The following ANKRD11 variants were observed in gnomAD, a reference collection of about 807,000 sequenced individuals.
ANKRD11 encodes ankyrin repeat domain-containing protein 11.
ANKRD11 carries 17 observed loss-of-function variants against 195.7 expected under a neutral mutation model. The ratio of observed to expected loss-of-function variants is 0.09; its 90% CI spans 0.06 to 0.13. The LOEUF (loss-of-function observed/expected upper bound fraction) is 0.13. ANKRD11 is among the 10% of genes least tolerant of loss of function. ANKRD11 has a pLI of 1.00. For missense variants in ANKRD11, 3,735 were observed against 3,566.1 expected (o/e 1.05, Z -1.21); for synonymous variants, 1,953 against 1,528.1 (o/e 1.28, Z -6.49).
intron 4 of ANKRD11, among the ~76,000 whole-genome samples, chr16:89,292,571 AG>A (rs139943895): frequency 0.034 from 5,190 of 152,324 alleles, 158 homozygotes; most frequent in East Asian, 0.062. Context: ...ACAAGCCTGC[AG>A]GAAGGCACAC....
At position 89,356,790 on chromosome 16, in the gene ANKRD11, A is replaced by AG. The variant is rs1246000123; in HGVS notation, c.-59-39713_-59-39712insC. Among the ~76,000 whole-genome samples, 255 of 151,302 alleles carry AG rather than the reference A, an allele frequency of 1.7e-3. 2 individuals are homozygous for AG. Among genetic ancestry groups the AG allele is most frequent in the African/African-American group, 5.9e-3 (241 of 41,036 alleles). ...AGCAAGACTCCGTCTCAAAAAAAAA[A>AG]AAAAAGAAAAAAGAAAAAAAAAGAA... On this transcript the variant is annotated intron_variant, in intron 2 of 12. Transcript: ENST00000301030.
intron 2 of ANKRD11, among the ~76,000 whole-genome samples, chr16:89,389,061 T>C (rs923366070): frequency 1.3e-5 from 2 of 152,106 alleles, no homozygotes; most frequent in Admixed American, 6.5e-5. Flanking sequence ...AAAAAATAAA[T>C]AGGACAGCAA....
chr16:89,397,551 C>A (rs1022423363), intron 2 of ANKRD11, among the ~76,000 whole-genome samples: 3 of 152,188 alleles, frequency 2.0e-5, no homozygotes. Context: ...AGGGTTGAGC[C>A]CAGCCAAGTG....
At chr16:89,413,092 C>T in intron 2 of ANKRD11, among the ~76,000 whole-genome samples, 1 of 152,180 alleles carries the variant, frequency 6.6e-6, no homozygotes, top group East Asian at 1.9e-4. Context: ...GGGGGCGCCG[C>T]TCAGCCACAA....
At chr16:89,323,410 A>AG in intron 2 of ANKRD11, 1 of 1,119,368 alleles carries the variant, frequency 8.9e-7, no homozygotes, top group South Asian at 1.3e-5. Flanking sequence ...AGCCCAGGGC[A>AG]GGGGGGCTGA....
At chr16:89,295,397 G>A (rs560192063) in intron 4 of ANKRD11, among the ~76,000 whole-genome samples, 4 of 152,286 alleles carry the variant, frequency 2.6e-5, no homozygotes, top group Admixed American at 1.3e-4. Flanking sequence ...AACAAGGCCC[G>A]TAGGGCCTTT....
chr16:89,349,960 A>G (rs892956358), intron 2 of ANKRD11, among the ~76,000 whole-genome samples: 5 of 152,022 alleles, frequency 3.3e-5, no homozygotes, highest in Admixed American at 6.6e-5. Flanking sequence ...TAGAATCCAT[A>G]AAGAACTCTC....
At chr16:89,271,958 C>G (rs548850489) in intron 11 of ANKRD11, 2 of 152,064 alleles carry the variant, frequency 1.3e-5, no homozygotes, top group Admixed American at 6.6e-5. Flanking sequence ...TGAAAAGACA[C>G]GCACAGAATG....
At chr16:89,331,627 A>C (rs2038072291) in intron 2 of ANKRD11, among the ~76,000 whole-genome samples, 1 of 151,966 alleles carries the variant, frequency 6.6e-6, no homozygotes, top group South Asian at 2.1e-4. Context: ...AGAGATTTAT[A>C]GATATGTATT....
chr16:89,432,220 G>A (rs1440082781), intron 1 of ANKRD11, among the ~76,000 whole-genome samples: 2 of 144,188 alleles, frequency 1.4e-5, no homozygotes, highest in African/African-American at 5.2e-5. Flanking sequence ...TATTCATGTT[G>A]TACATCGTGA....
chr16:89,292,672 T>C (rs562348083), intron 4 of ANKRD11, among the ~76,000 whole-genome samples: 55 of 152,262 alleles, frequency 3.6e-4, no homozygotes, highest in Middle Eastern at 3.4e-3. Context: ...CTGTAAACAG[T>C]CCTCAACGCA....
chr16:89,449,545 G>T (rs539320784), intron 1 of ANKRD11, among the ~76,000 whole-genome samples: 31 of 152,128 alleles, frequency 2.0e-4, no homozygotes, highest in Non-Finnish European at 3.5e-4. Context: ...TGTAATCCGA[G>T]CACTTTGGGA....
At chr16:89,451,893 A>C (rs1483894693) in intron 1 of ANKRD11, among the ~76,000 whole-genome samples, 2 of 152,220 alleles carry the variant, frequency 1.3e-5, no homozygotes, top group African/African-American at 4.8e-5. Flanking sequence ...TTTAGGGTAC[A>C]AGCTGAAATA....
chr16:89,319,439 G>C (rs2037168095), intron 2 of ANKRD11, among the ~76,000 whole-genome samples: 1 of 152,212 alleles, frequency 6.6e-6, no homozygotes, highest in Non-Finnish European at 1.5e-5. Context: ...AACACTCCGG[G>C]GACTCGGGAG....
chr16:89,489,646 G>A (rs899647506), intron 1 of ANKRD11, among the ~76,000 whole-genome samples: 4 of 151,908 alleles, frequency 2.6e-5, no homozygotes, highest in Non-Finnish European at 5.9e-5. Flanking sequence ...TCAGAGGTCG[G>A]CGCCCCAGCT....
At chr16:89,335,366 T>C (rs2038297921) in intron 2 of ANKRD11, among the ~76,000 whole-genome samples, 1 of 152,148 alleles carries the variant, frequency 6.6e-6, no homozygotes, top group Non-Finnish European at 1.5e-5. Flanking sequence ...GAGGCATCCG[T>C]GAGTCCCACA....
chr16:89,378,631 CTT>C (rs1259437838), intron 2 of ANKRD11, among the ~76,000 whole-genome samples: 1 of 152,202 alleles, frequency 6.6e-6, no homozygotes, highest in Non-Finnish European at 1.5e-5. Flanking sequence ...AGTAGCTTCT[CTT>C]GTTTGAAGAC....
At chr16:89,445,850 T>C (rs537983815) in intron 1 of ANKRD11, among the ~76,000 whole-genome samples, 8 of 152,064 alleles carry the variant, frequency 5.3e-5, no homozygotes, top group Admixed American at 2.6e-4. Context: ...ATGCCTGTAA[T>C]CCCAGCTACT....
In ANKRD11 at chr16:89,335,284, C is replaced by A. The variant is rs59826423; in HGVS notation, c.-59-18206G>T. ...CTGTTCCCAGAAGAGGCCAGTGCAC[C>A]CCCAAGCAGGGGCTGCAACAGGGCT... On this transcript the variant is annotated intron_variant, in intron 2 of 12. Transcript: ENST00000301030. 1.0e-2 allele frequency among the ~76,000 whole-genome samples: 1,516 copies of A among 152,248 alleles called. 19 individuals carry two copies. The highest frequency in any genetic ancestry group is 0.035 in the African/African-American group (1,448 of 41,534).
Sources: allele counts gnomAD v4.1 joint callset (sites outside exome capture counted in the v4.1 genomes callset), GRCh38; gene constraint gnomAD v4.1.1; transcripts MANE v1.5; gene names NCBI Gene and HGNC (gene_info 2026-07-23, HGNC 2026-07-21).